The following EML4 variants were observed in gnomAD, a reference collection of about 807,000 sequenced individuals.
EML4 encodes the protein EMAP like 4, also known as echinoderm microtubule-associated protein-like 4.
In EML4, 72 loss-of-function variants were observed where a neutral mutation model predicts 129.0. That is an observed-to-expected ratio of 0.56 (90% CI 0.46 to 0.68). EML4 has a LOEUF of 0.68. Among genes scored for constraint, EML4 ranks in the 30% least tolerant of loss-of-function variants. The pLI is 0.00. For missense variants in EML4, 1,363 were observed against 1,190.6 expected (o/e 1.14, Z -2.13); for synonymous variants, 532 against 405.0 (o/e 1.31, Z -3.77).
chr2:42,297,490 C>T (rs1413712167), intron 13 of EML4, among the ~76,000 whole-genome samples: 1 of 152,182 alleles, frequency 6.6e-6, no homozygotes, highest in Non-Finnish European at 1.5e-5. Context: ...GAAATCCAAT[C>T]TTGTAAATTG....
In EML4 at chr2:42,294,203, C is replaced by T. The variant is rs577213390; in HGVS notation, c.1219-922C>T. Among the ~76,000 whole-genome samples the T allele has an allele frequency of 5.9e-5, 9 of 152,304 alleles. No individual in the cohort carries two copies. In the East Asian group the frequency reaches 1.7e-3, roughly 29 times the overall value. ...TAGTAATTTCTTCTTGAGTCTCATG[C>T]TTGTATTCTTCCTAGTCCACCATAA... On this transcript the variant is annotated intron_variant, in intron 11 of 22. Transcript: ENST00000318522.
At chr2:42,209,194 C>T (rs1260866613) in intron 1 of EML4, among the ~76,000 whole-genome samples, 1 of 152,126 alleles carries the variant, frequency 6.6e-6, no homozygotes, top group Non-Finnish European at 1.5e-5. Context: ...TAGCTAAAAA[C>T]ATGGTTTCAA....
At chr2:42,307,309 G>A (rs950683389) in intron 17 of EML4, among the ~76,000 whole-genome samples, 1 of 152,208 alleles carries the variant, frequency 6.6e-6, no homozygotes, top group Non-Finnish European at 1.5e-5. Flanking sequence ...CTAAAGGTAA[G>A]CCAATTGGTT....
At position 42,330,034 on chromosome 2, in the gene EML4, A is replaced by ACCTGTTCTCCC. The variant is rs1670018680; in HGVS notation, c.2773_2774insCCTGTTCTCCC (p.Asn925ThrfsTer41). On this transcript the variant is annotated frameshift_variant, in exon 23 of 23. Transcript: ENST00000318522. LOFTEE classifies it high-confidence loss of function. ...AAGCAGTTCTCCCACACTTCTGGAG[A>ACCTGTTCTCCC]ACAGCCTGGAACAAACTGTGGAGCC... 5 of 1,613,364 alleles carry ACCTGTTCTCCC rather than the reference A, an allele frequency of 3.1e-6. No homozygotes were observed. The highest frequency in any genetic ancestry group is 4.2e-6 in the Non-Finnish European group (5 of 1,179,940).
intron 6 of EML4, among the ~76,000 whole-genome samples, chr2:42,277,910 T>A (rs760830487): frequency 2.6e-4 from 40 of 152,194 alleles, no homozygotes; most frequent in Non-Finnish European, 4.9e-4. Context: ...TTGCAGACAT[T>A]CAAGAAGTAA....
chr2:42,321,773 A>G (rs1669535652), intron 19 of EML4, among the ~76,000 whole-genome samples: 1 of 152,216 alleles, frequency 6.6e-6, no homozygotes, highest in Non-Finnish European at 1.5e-5. Flanking sequence ...GGTAAAGACC[A>G]CTTTTCCTCA....
At chr2:42,292,032 C>T (rs1667677065) in intron 11 of EML4, among the ~76,000 whole-genome samples, 1 of 152,190 alleles carries the variant, frequency 6.6e-6, no homozygotes, top group Non-Finnish European at 1.5e-5. Context: ...TCACACAGTG[C>T]TGCTGGGCAT....
intron 1 of EML4, among the ~76,000 whole-genome samples, chr2:42,231,276 T>C (rs1311805815): frequency 2.6e-5 from 4 of 152,238 alleles, no homozygotes; most frequent in Non-Finnish European, 4.4e-5. Context: ...CTGACAGTTT[T>C]TATTCTGTCT....
intron 1 of EML4, among the ~76,000 whole-genome samples, chr2:42,179,525 A>G (rs375150743): frequency 6.6e-6 from 1 of 152,198 alleles, no homozygotes; most frequent in Non-Finnish European, 1.5e-5. Flanking sequence ...TAGGAAATAC[A>G]TACCCAAGTT....
In EML4 at chr2:42,253,578, C is replaced by G. The variant is rs57116997; in HGVS notation, c.209-2923C>G. Among the ~76,000 whole-genome samples the G allele has an allele frequency of 5.3e-3, 799 of 152,182 alleles. 11 individuals are homozygous for G. Among genetic ancestry groups the G allele is most frequent in the African/African-American group, 0.018 (750 of 41,486 alleles). Reference sequence around the variant, plus strand: ...TGCAAGAAGAGAGACTCGAGATAAACTCAACATAATCCAAAAGAGAAATTT... The same window carrying G: ...TGCAAGAAGAGAGACTCGAGATAAAGTCAACATAATCCAAAAGAGAAATTT... On this transcript the variant is annotated intron_variant, in intron 2 of 22. Coordinates refer to ENST00000318522, the MANE Select transcript of EML4 (RefSeq NM_019063.5).
chr2:42,176,069 GACTC>G (rs1476044038), intron 1 of EML4, among the ~76,000 whole-genome samples: 1 of 147,860 alleles, frequency 6.8e-6, no homozygotes, highest in Non-Finnish European at 1.5e-5. Flanking sequence ...CTCCAATACT[GACTC>G]TTTATAACCC....
At chr2:42,288,135 AC>A in intron 10 of EML4, 91 bp from the exon 11 acceptor site, 1 of 554,690 alleles carries the variant, frequency 1.8e-6, no homozygotes, top group East Asian at 2.9e-5. Flanking sequence ...GGGTTATCTT[AC>A]TATTTGCAGT....
At chr2:42,238,321 C>G (rs1290813991) in intron 1 of EML4, among the ~76,000 whole-genome samples, 1 of 152,036 alleles carries the variant, frequency 6.6e-6, no homozygotes, top group South Asian at 2.1e-4. Flanking sequence ...ATAAACAGTT[C>G]AAAAAGCTTA....
rs1157276959 is a variant in EML4, at chr2:42,215,916, A to ATCTTTTTTTTT, written c.26-29577_26-29567dup. Among the ~76,000 whole-genome samples the ATCTTTTTTTTT allele has an allele frequency of 2.6e-5, 4 of 151,814 alleles. No homozygotes were observed. The East Asian group carries it at 5.8e-4, about 22-fold the overall frequency. ...TTGTAAGAAAAGGAGAAACTCATTT[A>ATCTTTTTTTTT]TCTTTTTTTTTTCTTTTTTTTTGAA... On this transcript the variant is annotated intron_variant, in intron 1 of 22. Transcript: ENST00000318522.
At chr2:42,213,936 A>C (rs1189625669) in intron 1 of EML4, among the ~76,000 whole-genome samples, 1 of 152,194 alleles carries the variant, frequency 6.6e-6, no homozygotes, top group East Asian at 1.9e-4. Flanking sequence ...ATAGGATTTT[A>C]AAATTAATTC....
At chr2:42,314,590 C>T (rs1448107204) in intron 17 of EML4, among the ~76,000 whole-genome samples, 2 of 152,210 alleles carry the variant, frequency 1.3e-5, no homozygotes, top group Admixed American at 6.5e-5. Context: ...TTCCTGCACA[C>T]TGCACTACTA....
chr2:42,329,697 GTTTAA>G (rs1220339195), intron 22 of EML4, 32 bp from the exon 23 acceptor site: 2 of 1,563,590 alleles, frequency 1.3e-6, no homozygotes, highest in African/African-American at 2.7e-5. Context: ...TCAAGAATGA[GTTTAA>G]TTTTCCTGTC....
In EML4 at chr2:42,330,332, T is replaced by C. The variant is rs2103852980; in HGVS notation, c.*125T>C. 2 of 832,076 alleles carry C rather than the reference T, an allele frequency of 2.4e-6. No homozygotes were observed. Among genetic ancestry groups the C allele is most frequent in the Middle Eastern group, 2.3e-4 (1 of 4,412 alleles). 51.5% of individuals were successfully genotyped at this position (832,076 alleles called of 1,614,324 possible). ...GAGATTTTGGTTTCCATGTGATTTG[T>C]TTTCTTCAATAGTCTTATTTTCAGT... On this transcript the variant is annotated 3_prime_UTR_variant, in exon 23 of 23. Coordinates refer to ENST00000318522, the MANE Select transcript of EML4 (RefSeq NM_019063.5).
chr2:42,275,887 C>G (rs1666630980), intron 6 of EML4, among the ~76,000 whole-genome samples: 1 of 152,280 alleles, frequency 6.6e-6, no homozygotes, highest in East Asian at 1.9e-4. Context: ...GACCACCAGA[C>G]TTTGTATTGT....
Sources: gnomAD v4.1 joint callset for allele counts (sites outside exome capture counted in the v4.1 genomes callset) on GRCh38, gnomAD v4.1.1 for gene constraint, MANE v1.5 for transcripts, NCBI Gene and HGNC (gene_info 2026-07-23, HGNC 2026-07-21) for gene names.